NSUN6: variants seen among roughly 807,000 people sequenced by gnomAD.
NSUN6 encodes NOP2/Sun RNA methyltransferase 6.
NSUN6 carries 64 observed loss-of-function variants against 58.0 expected under a neutral mutation model. The observed-to-expected ratio is 1.10, with a 90% CI of 0.90 to 1.36. NSUN6 has a LOEUF of 1.36. Among genes scored for constraint, NSUN6 ranks in the 40% most tolerant of loss-of-function variants. The probability of loss-of-function intolerance (pLI) is 0.00; values close to 1 mark genes in which losing one functional copy is unlikely to be tolerated. For synonymous variants in NSUN6, 231 were observed against 193.9 expected, an observed-to-expected ratio of 1.19 and a Z score of -1.59; for missense variants, 701 against 550.1, an observed-to-expected ratio of 1.27 and a Z score of -2.74.
At chr10:18,656,356 G>A (rs2059777351), upstream of NSUN6, among the ~76,000 whole-genome samples, 1 of 152,190 alleles carries the variant, frequency 6.6e-6, no homozygotes. Flanking sequence ...GACCAACATG[G>A]TGAAACCCCA....
Position 18,581,602 on chromosome 10 carries a change from G to A in NSUN6, c.922+4347C>T, listed in dbSNP as rs192080180. On this transcript the variant is annotated intron_variant, in intron 8 of 10. Transcript: ENST00000377304. ...AGCACTTTGGGAGGCCGAGGTGGGC[G>A]GATCACAAGGTCAAGAGATCGAGAT... is the stretch of plus-strand genomic sequence containing the variant. Among the ~76,000 whole-genome samples, 119 of 152,204 alleles carry A rather than the reference G, an allele frequency of 7.8e-4. 2 individuals carry two copies. The highest frequency in any genetic ancestry group is 2.8e-3 in the Admixed American group (43 of 15,280).
chr10:18,573,143 C>G (rs2056470247), intron 8 of NSUN6, among the ~76,000 whole-genome samples: 2 of 150,054 alleles, frequency 1.3e-5, no homozygotes, highest in Non-Finnish European at 3.0e-5. Flanking sequence ...TTCCGTTCCA[C>G]TCTCCATTTC....
intron 3 of NSUN6, among the ~76,000 whole-genome samples, chr10:18,620,044 A>G (rs2058546818): frequency 6.6e-6 from 1 of 152,028 alleles, no homozygotes; most frequent in Non-Finnish European, 1.5e-5. Flanking sequence ...GACCACTACC[A>G]CTATTATATT....
At chr10:18,579,436 C>G (rs2056808577) in intron 8 of NSUN6, among the ~76,000 whole-genome samples, 2 of 152,168 alleles carry the variant, frequency 1.3e-5, no homozygotes, top group South Asian at 4.1e-4. Context: ...TCCCAAAGTG[C>G]TGGGATTACA....
upstream of NSUN6, among the ~76,000 whole-genome samples, chr10:18,658,890 G>A (rs1278345202): frequency 6.6e-6 from 1 of 152,120 alleles, no homozygotes; most frequent in South Asian, 2.1e-4. Context: ...GAATGAATAC[G>A]TGAATGAATA....
At chr10:18,574,336 A>C (rs1193999679) in intron 8 of NSUN6, among the ~76,000 whole-genome samples, 1 of 152,178 alleles carries the variant, frequency 6.6e-6, no homozygotes, top group Admixed American at 6.6e-5. Context: ...CGAGAATCTT[A>C]AAGTATGAAG....
In NSUN6 at chr10:18,641,789, C is replaced by A. The variant is rs1292861861; in HGVS notation, c.311+687G>T. Among the ~76,000 whole-genome samples, 3 of 152,172 alleles carry A rather than the reference C, an allele frequency of 2.0e-5. No individual in the cohort carries two copies. The East Asian group carries it at 5.8e-4, about 29-fold the overall frequency. On this transcript the variant is annotated intron_variant, in intron 3 of 10. Coordinates refer to ENST00000377304, the MANE Select transcript of NSUN6 (RefSeq NM_182543.5). The stretch of plus-strand genomic sequence containing the variant: ...TGAATTATGAATAAAATTTTACAGG[C>A]TGGGCAACGTGGCTCACATCAGTAA...
upstream of NSUN6, chr10:18,655,280 G>A (rs2059764921): frequency 3.9e-6 from 1 of 255,604 alleles, no homozygotes; most frequent in South Asian, 1.4e-4. Context: ...GACACCTCTG[G>A]TGTCAAGCTA....
intron 3 of NSUN6, among the ~76,000 whole-genome samples, chr10:18,627,269 G>T (rs999617115): frequency 2.6e-5 from 4 of 152,092 alleles, no homozygotes; most frequent in Admixed American, 2.6e-4. Context: ...TGTTAAAATT[G>T]TTTACTGTAT....
intron 8 of NSUN6, among the ~76,000 whole-genome samples, chr10:18,561,104 A>G (rs971479064): frequency 2.9e-4 from 39 of 132,912 alleles, no homozygotes; most frequent in East Asian, 1.3e-3. Flanking sequence ...ATGGAATGGA[A>G]AAAGGAATAG....
At chr10:18,587,760 T>C (rs998079805) in intron 7 of NSUN6, among the ~76,000 whole-genome samples, 1 of 152,104 alleles carries the variant, frequency 6.6e-6, no homozygotes, top group Non-Finnish European at 1.5e-5. Context: ...GGTACTACGC[T>C]TTTCCCATGG....
intron 8 of NSUN6, among the ~76,000 whole-genome samples, chr10:18,576,182 C>G (rs1186341311): frequency 2.0e-5 from 3 of 152,142 alleles, no homozygotes; most frequent in Admixed American, 6.6e-5. Context: ...TTTCCTTGCT[C>G]TATTGCTGAC....
intron 8 of NSUN6, among the ~76,000 whole-genome samples, chr10:18,552,743 A>T (rs1025686035): frequency 6.7e-6 from 1 of 148,738 alleles, no homozygotes; most frequent in Non-Finnish European, 1.5e-5. Context: ...ACTCCATTCA[A>T]TTCTCTACTC....
At chr10:18,636,867 C>T (rs1298741071) in intron 3 of NSUN6, among the ~76,000 whole-genome samples, 2 of 146,816 alleles carry the variant, frequency 1.4e-5, no homozygotes, top group African/African-American at 5.1e-5. Context: ...CCAGCCTGGG[C>T]GACAGACCAA....
At chr10:18,652,472 T>G (rs2059726278), upstream of NSUN6, 1 of 984,748 alleles carries the variant, frequency 1.0e-6, no homozygotes, top group Non-Finnish European at 1.2e-6. Flanking sequence ...ACAGGTACTT[T>G]CCATGACACA....
chr10:18,641,056 C>G (rs745347304), intron 3 of NSUN6, among the ~76,000 whole-genome samples: 71 of 151,962 alleles, frequency 4.7e-4, no homozygotes, highest in Admixed American at 2.0e-3. Flanking sequence ...GTAATTATCC[C>G]AAGTATAGCA....
intron 3 of NSUN6, among the ~76,000 whole-genome samples, chr10:18,631,510 G>A (rs1440573146): frequency 3.1e-5 from 4 of 127,712 alleles, no homozygotes; most frequent in Middle Eastern, 3.8e-3. Context: ...AAACCCCATT[G>A]TCTCAGCCCA....
At chr10:18,644,349 T>C (rs1209917738) in intron 2 of NSUN6, among the ~76,000 whole-genome samples, 1 of 152,222 alleles carries the variant, frequency 6.6e-6, no homozygotes, top group African/African-American at 2.4e-5. Flanking sequence ...TGACCCAGAC[T>C]GGTCAAAGTC....
At chr10:18,585,122 C>T (rs137867562) in intron 8 of NSUN6, among the ~76,000 whole-genome samples, 119 of 152,040 alleles carry the variant, frequency 7.8e-4, no homozygotes, top group African/African-American at 2.8e-3. Flanking sequence ...GTCACCTCAC[C>T]CCAGTTAAAA....
Sources: gnomAD v4.1 joint callset for allele counts (sites outside exome capture counted in the v4.1 genomes callset) on GRCh38, gnomAD v4.1.1 for gene constraint, MANE v1.5 for transcripts, NCBI Gene and HGNC (gene_info 2026-07-23, HGNC 2026-07-21) for gene names.